The following FGF14 variants were observed in gnomAD, a reference collection of about 807,000 sequenced individuals.
FGF14 encodes the protein fibroblast growth factor homologous factor 4.
A neutral mutation model predicts 25.5 loss-of-function variants in FGF14; 5 were observed. The ratio of observed to expected loss-of-function variants is 0.20; its 90% CI spans 0.10 to 0.41. The LOEUF (loss-of-function observed/expected upper bound fraction) is 0.41. FGF14 is among the 10% of genes least tolerant of loss of function. The pLI, the probability that FGF14 is intolerant of heterozygous loss-of-function variation, is 1.00. For missense variants in FGF14, 222 were observed against 320.1 expected (o/e 0.69, Z 2.34); for synonymous variants, 138 against 118.3 (o/e 1.17, Z -1.08).
chr13:101,959,008 C>T (rs996863871), intron 1 of FGF14, among the ~76,000 whole-genome samples: 6 of 152,310 alleles, frequency 3.9e-5, no homozygotes, highest in African/African-American at 1.4e-4. Flanking sequence ...CACCTCCCCA[C>T]CCCTTAGACC....
intron 1 of FGF14, among the ~76,000 whole-genome samples, chr13:101,993,788 AAGC>A (rs1462913580): frequency 3.3e-5 from 5 of 152,026 alleles, no homozygotes; most frequent in Non-Finnish European, 5.9e-5. Context: ...TGGAGGAAAA[AAGC>A]AGCAAAGAAA....
intron 1 of FGF14, among the ~76,000 whole-genome samples, chr13:102,347,494 G>A (rs1483991682): frequency 6.6e-6 from 1 of 152,164 alleles, no homozygotes; most frequent in Non-Finnish European, 1.5e-5. Flanking sequence ...TGGCCAGGAG[G>A]GGGCTGAGTT....
intron 1 of FGF14, among the ~76,000 whole-genome samples, chr13:102,348,757 A>G (rs1466634291): frequency 6.6e-6 from 1 of 152,210 alleles, no homozygotes; most frequent in Non-Finnish European, 1.5e-5. Flanking sequence ...GAAACTGAAG[A>G]AGAATCCTCC....
At chr13:101,846,407 G>A (rs1433671786) in intron 3 of FGF14, among the ~76,000 whole-genome samples, 2 of 151,988 alleles carry the variant, frequency 1.3e-5, no homozygotes, top group Non-Finnish European at 2.9e-5. Context: ...TACTAAAAAT[G>A]CAGACATTTT....
intron 2 of FGF14, among the ~76,000 whole-genome samples, chr13:101,869,129 A>T (rs2044896545): frequency 6.6e-6 from 1 of 152,174 alleles, no homozygotes; most frequent in Non-Finnish European, 1.5e-5. Context: ...CTCTGACACC[A>T]TTAGATACCA....
intron 1 of FGF14, among the ~76,000 whole-genome samples, chr13:101,935,992 A>G (rs1464884192): frequency 6.6e-6 from 1 of 152,230 alleles, no homozygotes; most frequent in Admixed American, 6.5e-5. Flanking sequence ...ATGAAGGGGA[A>G]ATTTTTAAGG....
chr13:101,910,999 A>G (rs2032875622), intron 1 of FGF14, among the ~76,000 whole-genome samples: 1 of 152,028 alleles, frequency 6.6e-6, no homozygotes, highest in African/African-American at 2.4e-5. Flanking sequence ...TTGGGGAGAC[A>G]TTAATATAAA....
At chr13:102,263,724 T>C (rs2052838083) in intron 1 of FGF14, among the ~76,000 whole-genome samples, 1 of 152,192 alleles carries the variant, frequency 6.6e-6, no homozygotes, top group Admixed American at 6.6e-5. Flanking sequence ...TTTTAATTCA[T>C]GCAGAATTGC....
chr13:101,943,502 T>C (rs1343420636), intron 1 of FGF14, among the ~76,000 whole-genome samples: 1 of 152,124 alleles, frequency 6.6e-6, no homozygotes, highest in Non-Finnish European at 1.5e-5. Flanking sequence ...TCTACAAGGC[T>C]CAAGACAGCC....
intron 1 of FGF14, among the ~76,000 whole-genome samples, chr13:101,956,230 CACTGTTAATATGA>C (rs1270216237): frequency 1.3e-5 from 2 of 152,088 alleles, no homozygotes; most frequent in African/African-American, 4.8e-5. Flanking sequence ...TGATAAATTG[CACTGTTAATATGA>C]ATATTAAACT....
chr13:102,197,864 A>G (rs1471349698), intron 1 of FGF14, among the ~76,000 whole-genome samples: 1 of 152,212 alleles, frequency 6.6e-6, no homozygotes, highest in African/African-American at 2.4e-5. Flanking sequence ...GCCTCACGGT[A>G]CACAGTAGCC....
intron 3 of FGF14, among the ~76,000 whole-genome samples, chr13:101,844,685 C>T (rs543764481): frequency 6.6e-6 from 1 of 152,076 alleles, no homozygotes; most frequent in South Asian, 2.1e-4. Flanking sequence ...ATAATCATTA[C>T]ATACATAGTG....
At chr13:101,964,956 T>C (rs1424491500) in intron 1 of FGF14, among the ~76,000 whole-genome samples, 1 of 152,096 alleles carries the variant, frequency 6.6e-6, no homozygotes, top group Non-Finnish European at 1.5e-5. Flanking sequence ...ACCTTCTCTT[T>C]TATGGCCAGG....
intron 1 of FGF14, among the ~76,000 whole-genome samples, chr13:102,333,692 A>G (rs1183037054): frequency 1.3e-5 from 2 of 152,196 alleles, no homozygotes; most frequent in East Asian, 1.9e-4. Context: ...AAGGACGTAA[A>G]GTGTCTAGGA....
At chr13:101,785,595 T>A (rs2140053919) in intron 3 of FGF14, among the ~76,000 whole-genome samples, 1 of 152,212 alleles carries the variant, frequency 6.6e-6, no homozygotes, top group African/African-American at 2.4e-5. Flanking sequence ...ACATTATCTG[T>A]CTATCACCTA....
intron 1 of FGF14, among the ~76,000 whole-genome samples, chr13:102,337,671 C>G (rs2056826726): frequency 1.3e-5 from 2 of 151,982 alleles, no homozygotes; most frequent in Admixed American, 1.3e-4. Context: ...AAGGAAGAGT[C>G]CATTGATGAA....
At chr13:101,783,791 T>C (rs1049111244) in intron 3 of FGF14, among the ~76,000 whole-genome samples, 2 of 152,218 alleles carry the variant, frequency 1.3e-5, no homozygotes, top group Non-Finnish European at 2.9e-5. Context: ...GGTTGTCTTC[T>C]TTGGTTTTCA....
intron 3 of FGF14, among the ~76,000 whole-genome samples, chr13:101,831,586 T>C (rs972020228): frequency 1.3e-5 from 2 of 152,096 alleles, no homozygotes; most frequent in African/African-American, 2.4e-5. Flanking sequence ...GGAAAGTGAA[T>C]TTCCCCAGGA....
intron 3 of FGF14, among the ~76,000 whole-genome samples, chr13:101,823,501 G>A (rs1246668641): frequency 4.0e-5 from 6 of 150,470 alleles, no homozygotes; most frequent in East Asian, 1.9e-4. Flanking sequence ...GCAATGGCGC[G>A]ATCTCGGCTC....
Sources: allele counts gnomAD v4.1 joint callset (sites outside exome capture counted in the v4.1 genomes callset), GRCh38; gene constraint gnomAD v4.1.1; transcripts MANE v1.5; gene names NCBI Gene and HGNC (gene_info 2026-07-23, HGNC 2026-07-21).